The following CHCHD3 variants were observed in gnomAD, a reference collection of about 807,000 sequenced individuals.
CHCHD3 encodes coiled-coil-helix-coiled-coil-helix domain containing 3.
In CHCHD3, 20 loss-of-function variants were observed where a neutral mutation model predicts 38.2. That is an observed-to-expected ratio of 0.52 (90% CI 0.37 to 0.76). CHCHD3 has a LOEUF of 0.76. Ranked by LOEUF, CHCHD3 falls within the 30% of genes least tolerant of loss-of-function variation. The pLI is 0.00. For missense variants in CHCHD3, 245 were observed against 279.2 expected, an observed-to-expected ratio of 0.88 and a Z score of 0.87; for synonymous variants, 82 against 100.0, an observed-to-expected ratio of 0.82 and a Z score of 1.07.
chr7:133,055,022 AC>A (rs944750182), intron 2 of CHCHD3, among the ~76,000 whole-genome samples: 4 of 151,906 alleles, frequency 2.6e-5, no homozygotes. Context: ...TAAATAAGTA[AC>A]CGTTTTTAAA....
At chr7:132,880,121 C>G (rs1809015833) in intron 5 of CHCHD3, among the ~76,000 whole-genome samples, 1 of 152,162 alleles carries the variant, frequency 6.6e-6, no homozygotes. Context: ...TAACTTACCA[C>G]ACAAAGAACT....
intron 3 of CHCHD3, among the ~76,000 whole-genome samples, chr7:132,999,117 T>TATA (rs1812498794): frequency 6.6e-6 from 1 of 152,164 alleles, no homozygotes; most frequent in Non-Finnish European, 1.5e-5. Context: ...AGACCCTGTC[T>TATA]CAAAACAAAC....
chr7:133,070,195 G>T lies in CHCHD3; in HGVS notation c.116C>A (p.Ser39Tyr), dbSNP rs780933449. 1 of 1,613,262 alleles carries T rather than the reference G, an allele frequency of 6.2e-7. No individual in the cohort carries two copies. The highest frequency in any genetic ancestry group is 8.5e-7 in the Non-Finnish European group (1 of 1,179,924). Residue 39 changes from serine (S) to tyrosine (Y), a missense_variant, in exon 2 of 8, where the codon TCC becomes TAC. Physicochemically the swap from Ser to Tyr is moderately radical, Grantham distance 144. Transcript: ENST00000262570. ...SENVIDRMKESSPSGSKSQRY... is the reference protein window; with the variant it reads ...SENVIDRMKEYSPSGSKSQRY... The stretch of plus-strand genomic sequence containing the variant: ...CTGAGACTTCGAACCAGATGGAGAG[G>T]ATTCCTTCATTCGATCAATCACATT...
chr7:133,045,977 C>T (rs1736610433), intron 2 of CHCHD3, among the ~76,000 whole-genome samples: 1 of 152,194 alleles, frequency 6.6e-6, no homozygotes, highest in Admixed American at 6.5e-5. Flanking sequence ...CATGAGCCTA[C>T]AGACTGCAGA....
At chr7:132,831,735 T>G (rs968754641) in intron 6 of CHCHD3, among the ~76,000 whole-genome samples, 8 of 152,208 alleles carry the variant, frequency 5.3e-5, no homozygotes, top group African/African-American at 1.9e-4. Context: ...CTTTGTACTT[T>G]TAGTACAATT....
intron 5 of CHCHD3, among the ~76,000 whole-genome samples, chr7:132,856,609 C>T (rs891559014): frequency 6.6e-6 from 1 of 152,124 alleles, no homozygotes; most frequent in Non-Finnish European, 1.5e-5. Context: ...CCAAATGTAA[C>T]CAGACCAAAT....
intron 4 of CHCHD3, among the ~76,000 whole-genome samples, chr7:132,945,563 G>A (rs1810877866): frequency 6.6e-6 from 1 of 151,834 alleles, no homozygotes; most frequent in Non-Finnish European, 1.5e-5. Flanking sequence ...GCATGAGAAT[G>A]GAAAAGACCA....
chr7:133,025,082 T>C (rs1188896333), intron 2 of CHCHD3, among the ~76,000 whole-genome samples: 2 of 152,248 alleles, frequency 1.3e-5, no homozygotes, highest in Non-Finnish European at 2.9e-5. Context: ...AAATCATTTA[T>C]AGTTACATTC....
intron 5 of CHCHD3, among the ~76,000 whole-genome samples, chr7:132,868,461 T>G (rs1366457191): frequency 1.3e-5 from 2 of 152,142 alleles, no homozygotes; most frequent in African/African-American, 4.8e-5. Flanking sequence ...TAAAAAAGGT[T>G]AACACAGCCG....
At chr7:132,863,212 G>A (rs2117136190) in intron 5 of CHCHD3, among the ~76,000 whole-genome samples, 2 of 152,278 alleles carry the variant, frequency 1.3e-5, no homozygotes, top group South Asian at 4.2e-4. Context: ...AGTAAGACTT[G>A]AGGGTCAAAA....
chr7:132,784,949 G>C lies in CHCHD3; in HGVS notation c.*688C>G, dbSNP rs1204386298. The stretch of plus-strand genomic sequence containing the variant: ...TCACTATAGAGGTTTTATCAGCCAA[G>C]GTTGCCTTCATATTGATAAAAATAC... On this transcript the variant is annotated 3_prime_UTR_variant, in exon 8 of 8. Coordinates refer to ENST00000262570, the MANE Select transcript of CHCHD3 (RefSeq NM_017812.4). The C allele has an allele frequency of 6.6e-6, 1 of 152,556 alleles. No individual in the cohort carries two copies. Among genetic ancestry groups the C allele is most frequent in the African/African-American group, 2.4e-5 (1 of 41,418 alleles). 9.5% of individuals were successfully genotyped at this position (152,556 alleles called of 1,614,324 possible). A position where few individuals can be genotyped will look rare whatever the true frequency, so the allele number is the denominator to read the frequency against.
chr7:132,919,554 T>C (rs1041001337), intron 4 of CHCHD3, among the ~76,000 whole-genome samples: 1 of 152,234 alleles, frequency 6.6e-6, no homozygotes, highest in Non-Finnish European at 1.5e-5. Context: ...GTCAAATGTT[T>C]TCAACATCTG....
At chr7:133,077,185 T>C (rs1314409486) in intron 1 of CHCHD3, among the ~76,000 whole-genome samples, 4 of 152,176 alleles carry the variant, frequency 2.6e-5, no homozygotes, top group Non-Finnish European at 5.9e-5. Flanking sequence ...TCCCTACCTT[T>C]ATAAAATCCT....
intron 3 of CHCHD3, among the ~76,000 whole-genome samples, chr7:132,979,156 A>T (rs994656062): frequency 6.6e-6 from 1 of 152,322 alleles, no homozygotes; most frequent in Non-Finnish European, 1.5e-5. Flanking sequence ...AAAAGTCTAT[A>T]CCTTAAACAT....
intron 6 of CHCHD3, among the ~76,000 whole-genome samples, chr7:132,828,158 C>T (rs1263100115): frequency 6.6e-6 from 1 of 152,142 alleles, no homozygotes; most frequent in African/African-American, 2.4e-5. Context: ...TTGCATCATA[C>T]AGCAAGTGTA....
chr7:133,063,552 A>T (rs567794181), intron 2 of CHCHD3, among the ~76,000 whole-genome samples: 1 of 152,192 alleles, frequency 6.6e-6, no homozygotes, highest in Non-Finnish European at 1.5e-5. Flanking sequence ...ACAAACAAAA[A>T]TGCTTATGGG....
chr7:133,078,703 T>C (rs148317120), intron 1 of CHCHD3, among the ~76,000 whole-genome samples: 136 of 152,364 alleles, frequency 8.9e-4, no homozygotes, highest in African/African-American at 3.2e-3. Context: ...CGAACCATCC[T>C]AACAGGAGAC....
At chr7:132,919,354 GC>G (rs1269491194) in intron 4 of CHCHD3, among the ~76,000 whole-genome samples, 1 of 151,708 alleles carries the variant, frequency 6.6e-6, no homozygotes, top group African/African-American at 2.4e-5. Context: ...CTCGTGATCC[GC>G]CCGCCTCGGC....
At chr7:133,067,425 ATACACGTCATAAGTACT>A (rs1371071276) in intron 2 of CHCHD3, among the ~76,000 whole-genome samples, 10 of 152,244 alleles carry the variant, frequency 6.6e-5, no homozygotes, top group African/African-American at 2.4e-4. Context: ...AAGCAAAAAG[ATACACGTCATAAGTACT>A]TACAAAGTTA....
Sources: allele counts gnomAD v4.1 joint callset (sites outside exome capture counted in the v4.1 genomes callset), GRCh38; gene constraint gnomAD v4.1.1; transcripts MANE v1.5; gene names NCBI Gene and HGNC (gene_info 2026-07-23, HGNC 2026-07-21).